LARP4B: variants seen among roughly 807,000 people sequenced by gnomAD.
LARP4B encodes la-related protein 4B.
A neutral mutation model predicts 89.8 loss-of-function variants in LARP4B; 12 were observed. That is an observed-to-expected ratio of 0.13 (90% CI 0.09 to 0.22). The LOEUF (loss-of-function observed/expected upper bound fraction) is 0.22, where lower values mean the gene tolerates loss of function less well. Among genes scored for constraint, LARP4B ranks in the 10% least tolerant of loss-of-function variants. LARP4B has a pLI of 1.00. For synonymous variants in LARP4B, 367 were observed against 363.3 expected (o/e 1.01, Z -0.12); for missense variants, 757 against 947.7 (o/e 0.80, Z 2.64).
chr10:837,685 C>T (rs968952109), intron 7 of LARP4B, among the ~76,000 whole-genome samples: 5 of 152,326 alleles, frequency 3.3e-5, no homozygotes, highest in South Asian at 2.1e-4. Flanking sequence ...GCCCCAGACA[C>T]GTGGGGTGCT....
rs12244135 is a variant in LARP4B at position 840,933 on chromosome 10, C to T, written c.646+1999G>A. ...TTGGGAGACTGAAGTGGGCAGATCACTTCAGGTCAGAAGTTTGAGACCAGC... is the reference window on the plus strand; with the variant it reads ...TTGGGAGACTGAAGTGGGCAGATCATTTCAGGTCAGAAGTTTGAGACCAGC... On this transcript the variant is annotated intron_variant, in intron 7 of 17. Coordinates refer to ENST00000316157, the MANE Select transcript of LARP4B (RefSeq NM_015155.3). Among the ~76,000 whole-genome samples, 895 of 152,302 alleles carry T rather than the reference C, an allele frequency of 5.9e-3. 15 individuals carry two copies. The highest frequency in any genetic ancestry group is 0.021 in the African/African-American group (852 of 41,560).
intron 1 of LARP4B, among the ~76,000 whole-genome samples, chr10:898,472 A>T (rs986945514): frequency 6.6e-5 from 10 of 152,260 alleles, no homozygotes; most frequent in Non-Finnish European, 1.3e-4. Flanking sequence ...AATAGCCAAG[A>T]AGTAGAAACA....
At chr10:983,626 C>T in the LARP4B span, among the ~76,000 whole-genome samples, 3 of 152,132 alleles carry the variant, frequency 2.0e-5, no homozygotes, top group Non-Finnish European at 4.4e-5. Flanking sequence ...TGTCTTTTCT[C>T]ATAAGTGTGC....
At chr10:839,128 G>C (rs151111647) in intron 7 of LARP4B, among the ~76,000 whole-genome samples, 12 of 152,292 alleles carry the variant, frequency 7.9e-5, no homozygotes, top group African/African-American at 2.6e-4. Flanking sequence ...TGCACGGGTG[G>C]AACTCAGAGG....
chr10:851,152 A>G (rs1291476766), intron 5 of LARP4B, among the ~76,000 whole-genome samples: 3 of 151,580 alleles, frequency 2.0e-5, no homozygotes, highest in African/African-American at 7.3e-5. Flanking sequence ...AAAACAAATG[A>G]GAAAAATCGA....
intron 5 of LARP4B, among the ~76,000 whole-genome samples, chr10:847,435 C>T (rs1307614592): frequency 6.6e-6 from 1 of 152,052 alleles, no homozygotes; most frequent in African/African-American, 2.4e-5. Context: ...CACCAAGAAA[C>T]CAAATAAGAC....
intron 3 of LARP4B, among the ~76,000 whole-genome samples, chr10:867,897 G>A (rs929774033): frequency 2.1e-5 from 3 of 142,842 alleles, no homozygotes; most frequent in Non-Finnish European, 3.0e-5. Flanking sequence ...CTCCAGTGTC[G>A]TCTGCTTGAC....
At chr10:825,702 T>C in intron 12 of LARP4B, 62 bp downstream of exon 12, 1 of 1,110,820 alleles carries the variant, frequency 9.0e-7, no homozygotes, top group South Asian at 1.3e-5. Context: ...AGCTCTCTCA[T>C]CCCAACTCCG....
the LARP4B span, among the ~76,000 whole-genome samples, chr10:967,532 T>G: frequency 6.6e-6 from 1 of 152,112 alleles, no homozygotes; most frequent in African/African-American, 2.4e-5. Context: ...CTAAAACATT[T>G]AAAAGAAACG....
At chr10:969,118 G>A in the LARP4B span, among the ~76,000 whole-genome samples, 1 of 152,180 alleles carries the variant, frequency 6.6e-6, no homozygotes, top group Admixed American at 6.5e-5. Context: ...ATAGTGGAAG[G>A]AAATGGGAAT....
At chr10:807,924 A>C (rs1831612645), downstream of LARP4B, 1 of 152,288 alleles carries the variant, frequency 6.6e-6, no homozygotes, top group African/African-American at 2.4e-5. Flanking sequence ...CTTGGATCGG[A>C]AACGGCTTGT....
At position 853,114 on chromosome 10, in the gene LARP4B, C is replaced by T. The variant is rs78375296; in HGVS notation, c.431-8059G>A. ...TCATTCTAATTTGCATGGAAATACACAGGAACTGGAATTTAAAAAGTAACT... is the reference window on the plus strand; with the variant it reads ...TCATTCTAATTTGCATGGAAATACATAGGAACTGGAATTTAAAAAGTAACT... On this transcript the variant is annotated intron_variant, in intron 5 of 17. Coordinates refer to ENST00000316157, the MANE Select transcript of LARP4B (RefSeq NM_015155.3). Among the ~76,000 whole-genome samples the T allele has an allele frequency of 3.8e-3, 585 of 152,230 alleles. 3 individuals carry two copies. Among genetic ancestry groups the T allele is most frequent in the African/African-American group, 0.014 (563 of 41,548 alleles).
At chr10:846,931 G>A (rs530652666) in intron 5 of LARP4B, among the ~76,000 whole-genome samples, 2 of 152,288 alleles carry the variant, frequency 1.3e-5, no homozygotes, top group African/African-American at 4.8e-5. Flanking sequence ...GTGAAGTTAG[G>A]AGCCAAGAGA....
chr10:815,513 G>A (rs1415214035), intron 15 of LARP4B: 1 of 152,410 alleles, frequency 6.6e-6, no homozygotes, highest in East Asian at 1.9e-4. Flanking sequence ...ATATAAATGT[G>A]AGCTCCCAGC....
upstream of LARP4B, among the ~76,000 whole-genome samples, chr10:936,497 A>G (rs1360380275): frequency 6.6e-6 from 1 of 152,172 alleles, no homozygotes. Flanking sequence ...AGGCGGGTGT[A>G]TCATCTAATG....
At chr10:897,674 C>A (rs1836225619) in intron 1 of LARP4B, among the ~76,000 whole-genome samples, 1 of 152,004 alleles carries the variant, frequency 6.6e-6, no homozygotes, top group African/African-American at 2.4e-5. Flanking sequence ...TATAATGAGA[C>A]AAATAACCCA....
intron 13 of LARP4B, among the ~76,000 whole-genome samples, chr10:823,248 G>A (rs1260920696): frequency 6.6e-6 from 1 of 152,104 alleles, no homozygotes; most frequent in Non-Finnish European, 1.5e-5. Flanking sequence ...GCCCATGCTG[G>A]TGTGCGCTTC....
rs555407159 is a variant in LARP4B at position 837,324 on chromosome 10, T to G, written c.647-818A>C. Among the ~76,000 whole-genome samples, 7 of 152,296 alleles carry G rather than the reference T, an allele frequency of 4.6e-5. No individual in the cohort carries two copies. In the East Asian group the frequency reaches 1.4e-3, roughly 29 times the overall value. ...TGCAAAACACTGCCAAAAGAACATTTTAAAGACCTACATAAAGACATATTC... is the reference window on the plus strand; with the variant it reads ...TGCAAAACACTGCCAAAAGAACATTGTAAAGACCTACATAAAGACATATTC... On this transcript the variant is annotated intron_variant, in intron 7 of 17. Transcript: ENST00000316157.
chr10:913,265 A>T (rs1409543493), intron 1 of LARP4B, among the ~76,000 whole-genome samples: 9 of 152,170 alleles, frequency 5.9e-5, no homozygotes, highest in Non-Finnish European at 1.3e-4. Flanking sequence ...GCAAATGAAA[A>T]ATCTTATAAA....
Sources: allele counts gnomAD v4.1 joint callset (sites outside exome capture counted in the v4.1 genomes callset), GRCh38; gene constraint gnomAD v4.1.1; transcripts MANE v1.5; gene names NCBI Gene and HGNC (gene_info 2026-07-23, HGNC 2026-07-21).